The following PCDH15 variants were observed in gnomAD, a reference collection of about 807,000 sequenced individuals.
PCDH15 encodes the protein protocadherin related 15.
In PCDH15, 129 loss-of-function variants were observed where a neutral mutation model predicts 178.5. That is an observed-to-expected ratio of 0.72 (90% CI 0.63 to 0.84). The LOEUF (loss-of-function observed/expected upper bound fraction) is 0.84. Ranked by LOEUF, PCDH15 falls within the 40% of genes least tolerant of loss-of-function variation. The pLI is 0.00. For synonymous variants in PCDH15, 800 were observed against 732.0 expected, an observed-to-expected ratio of 1.09 and a Z score of -1.50; for missense variants, 2,230 against 2,099.9, an observed-to-expected ratio of 1.06 and a Z score of -1.21.
chr10:55,168,992 G>A (rs1839265142), intron 1 of PCDH15, among the ~76,000 whole-genome samples: 1 of 152,114 alleles, frequency 6.6e-6, no homozygotes, highest in African/African-American at 2.4e-5. Context: ...TCATATCTTA[G>A]AGTGAGTACC....
intron 1 of PCDH15, among the ~76,000 whole-genome samples, chr10:54,709,250 G>A (rs554185944): frequency 1.3e-5 from 2 of 149,908 alleles, no homozygotes; most frequent in Admixed American, 6.7e-5. Context: ...TAATCACATC[G>A]TATAGAAACA....
At chr10:55,156,309 T>C (rs1386907072) in intron 2 of PCDH15, among the ~76,000 whole-genome samples, 1 of 152,090 alleles carries the variant, frequency 6.6e-6, no homozygotes, top group African/African-American at 2.4e-5. Flanking sequence ...CACACAGATA[T>C]ATTAAATAGG....
chr10:54,690,310 CTTTTTTTTTTT>C (rs71014404), intron 1 of PCDH15, among the ~76,000 whole-genome samples: 1 of 126,136 alleles, frequency 7.9e-6, no homozygotes, highest in Non-Finnish European at 1.6e-5. Context: ...ACAAGACTAC[CTTTTTTTTTTT>C]TTTTTTTGAG....
chr10:54,927,149 G>A (rs1010080754), intron 2 of PCDH15, among the ~76,000 whole-genome samples: 4 of 151,930 alleles, frequency 2.6e-5, no homozygotes, highest in Non-Finnish European at 5.9e-5. Flanking sequence ...TACTTGTTCT[G>A]ATTGGTTTTA....
At chr10:55,598,522 AT>A (rs1051457576) in intron 2 of PCDH15, among the ~76,000 whole-genome samples, 2 of 17,274 alleles carry the variant, frequency 1.2e-4, no homozygotes, top group Admixed American at 4.9e-4. Context: ...TAATATATAT[AT>A]ATATATATAT....
intron 2 of PCDH15, among the ~76,000 whole-genome samples, chr10:54,537,471 C>T (rs1758821): frequency 0.69 from 105,315 of 151,918 alleles, 37,111 homozygotes; most frequent in East Asian, 0.97. Flanking sequence ...ACACAAGGAA[C>T]AAAGAAAACT....
chr10:54,989,058 G>A (rs985401856), intron 2 of PCDH15, among the ~76,000 whole-genome samples: 1 of 152,204 alleles, frequency 6.6e-6, no homozygotes, highest in Admixed American at 6.5e-5. Flanking sequence ...CCAACATAGA[G>A]CTTGGGCTGT....
Position 54,620,679 on chromosome 10 carries a change from A to G in PCDH15, c.91+43493T>C, listed in dbSNP as rs576361013. ...CAGAAATTGTTATTAGTAGTATATG[A>G]CAATCATAATAGTCTAACTTTTACT... On this transcript the variant is annotated intron_variant, in intron 2 of 37. Transcript: ENST00000644397. Among the ~76,000 whole-genome samples, 18 of 152,172 alleles carry G rather than the reference A, an allele frequency of 1.2e-4. No individual in the cohort carries two copies. In the East Asian group the frequency reaches 3.3e-3, roughly 28 times the overall value.
intron 2 of PCDH15, among the ~76,000 whole-genome samples, chr10:55,033,519 C>T (rs977181455): frequency 1.3e-5 from 2 of 152,056 alleles, no homozygotes; most frequent in Non-Finnish European, 2.9e-5. Flanking sequence ...TACTTCTCCC[C>T]TTTGGAATAT....
At chr10:55,133,972 T>C (rs1213405549) in intron 2 of PCDH15, among the ~76,000 whole-genome samples, 3 of 152,196 alleles carry the variant, frequency 2.0e-5, no homozygotes, top group Non-Finnish European at 4.4e-5. Context: ...TCTCCTTTAG[T>C]ATATTATAAA....
At chr10:53,982,305 C>A (rs1589752605) in intron 21 of PCDH15, among the ~76,000 whole-genome samples, 1 of 152,148 alleles carries the variant, frequency 6.6e-6, no homozygotes, top group African/African-American at 2.4e-5. Context: ...TTTGACCCAG[C>A]AATCTCATTA....
chr10:54,914,367 C>T (rs1162364545), intron 2 of PCDH15, among the ~76,000 whole-genome samples: 1 of 152,134 alleles, frequency 6.6e-6, no homozygotes, highest in Non-Finnish European at 1.5e-5. Context: ...GTTTCCCCTT[C>T]ACCTTCTGCA....
intron 18 of PCDH15, among the ~76,000 whole-genome samples, chr10:54,033,354 C>G (rs951861776): frequency 6.6e-6 from 1 of 151,506 alleles, no homozygotes; most frequent in Admixed American, 6.6e-5. Context: ...ATATATTATC[C>G]ATGCTTTATA....
At chr10:53,897,959 C>CTTTTTTTTTTTTTTTTTTTTTTTT (rs66513139) in intron 26 of PCDH15, among the ~76,000 whole-genome samples, 1 of 82,412 alleles carries the variant, frequency 1.2e-5, no homozygotes, top group African/African-American at 5.4e-5. Flanking sequence ...TTTCTTTTCC[C>CTTTTTTTTTTTTTTTTTTTTTTTT]TTTTTTTTTT....
intron 2 of PCDH15, among the ~76,000 whole-genome samples, chr10:54,956,091 A>T (rs181774730): frequency 1.6e-4 from 24 of 151,462 alleles, no homozygotes; most frequent in Non-Finnish European, 2.1e-4. Context: ...TTTCTTCCTC[A>T]AATTGGAGAG....
chr10:53,816,796 G>A (rs1452553817), intron 34 of PCDH15, among the ~76,000 whole-genome samples: 2 of 152,126 alleles, frequency 1.3e-5, no homozygotes, highest in Admixed American at 1.3e-4. Flanking sequence ...TCTTACCAAA[G>A]TGTGGATTTC....
chr10:55,302,959 T>C (rs1486976578), intron 1 of PCDH15, among the ~76,000 whole-genome samples: 2 of 152,116 alleles, frequency 1.3e-5, no homozygotes, highest in Admixed American at 1.3e-4. Context: ...TCTTCACTTA[T>C]CTCCTTAATA....
chr10:55,598,330 T>TGAGCCC (rs1842976661), intron 2 of PCDH15, among the ~76,000 whole-genome samples: 1 of 111,124 alleles, frequency 9.0e-6, no homozygotes, highest in Non-Finnish European at 1.9e-5. Flanking sequence ...CCCACTATGC[T>TGAGCCC]TACACAAATA....
In PCDH15 at chr10:54,378,890, G is replaced by T; in HGVS notation, c.210C>A (p.Asp70Glu). The T allele has an allele frequency of 6.2e-7, 1 of 1,613,774 alleles. No individual in the cohort carries two copies. The highest frequency in any genetic ancestry group is 1.3e-5 in the African/African-American group (1 of 74,994). ...MLIKGTAGGP[D>E]PTIELSLKDN... is the part of the protein sequence containing the mutation. ...CCTTTAAAGAAAGTTCTATGGTGGG[G>T]TCTGGTCCTCCAGCAGTCCCTTTGA... The change falls in exon 4 of 38, where the codon GAC becomes GAA. Residue 70 changes from aspartate (D) to glutamate (E), a missense_variant. Asp to Glu is a conservative substitution (Grantham distance 45). Transcript: ENST00000644397.
Sources: allele counts gnomAD v4.1 joint callset (sites outside exome capture counted in the v4.1 genomes callset), GRCh38; gene constraint gnomAD v4.1.1; transcripts MANE v1.5; gene names NCBI Gene and HGNC (gene_info 2026-07-23, HGNC 2026-07-21).